CHSY3: variants seen among roughly 807,000 people sequenced by gnomAD.
The protein encoded by CHSY3 is N-acetylgalactosaminyl-proteoglycan 3-beta-glucuronosyltransferase 3.
Under a neutral mutation model 67.2 loss-of-function variants are expected in CHSY3, and 35 were observed. The ratio of observed to expected loss-of-function variants is 0.52; its 90% CI spans 0.40 to 0.69. The LOEUF is 0.69. Among genes scored for constraint, CHSY3 ranks in the 30% least tolerant of loss-of-function variants. The pLI is 0.00. For missense variants in CHSY3, 1,069 were observed against 1,138.5 expected, an observed-to-expected ratio of 0.94 and a Z score of 0.88; for synonymous variants, 474 against 434.7, an observed-to-expected ratio of 1.09 and a Z score of -1.12.
rs1770366945 is a variant in CHSY3 at position 130,184,894 on chromosome 5, G to A, written c.1752G>A (p.Val584=). ...ETEELDVNSL[V]ESINSETQSF... ...AAGAGCTAGATGTCAACAGTCTTGT[G>A]GAGAGTATTAACAGTGAAACTCAGT... The change falls in exon 3 of 3, where the codon GTG becomes GTA. Residue 584 remains valine, a synonymous_variant. Transcript: ENST00000305031. The A allele has an allele frequency of 6.4e-7, 1 of 1,553,370 alleles. No homozygotes were observed. Among genetic ancestry groups the A allele is most frequent in the Non-Finnish European group, 8.9e-7 (1 of 1,124,754 alleles).
rs1212958479 is a variant in CHSY3 at position 130,143,737 on chromosome 5, T to C, written c.1087-40492T>C. 6.5e-3 allele frequency among the ~76,000 whole-genome samples: 698 copies of C among 106,574 alleles called. 26 individuals carry two copies. The highest frequency in any genetic ancestry group is 0.059 in the South Asian group (150 of 2,562). The allele number at this position is 106,574 out of a possible 152,430, so 69.9% of individuals were successfully genotyped here. A position where few individuals can be genotyped will look rare whatever the true frequency, so the allele number is the denominator to read the frequency against. ...ATATATATATGTGTGTGTGTGTGTA[T>C]ATATATATATATATATATATGTGTG... On this transcript the variant is annotated intron_variant, in intron 2 of 2. Coordinates refer to ENST00000305031, the MANE Select transcript of CHSY3 (RefSeq NM_175856.5).
intron 2 of CHSY3, among the ~76,000 whole-genome samples, chr5:130,036,135 C>T (rs1178314641): frequency 6.6e-6 from 1 of 151,900 alleles, no homozygotes; most frequent in African/African-American, 2.4e-5. Flanking sequence ...TGTAACATGA[C>T]AGTAATTCTT....
intron 2 of CHSY3, among the ~76,000 whole-genome samples, chr5:129,953,140 C>G (rs1274559149): frequency 6.6e-6 from 1 of 152,088 alleles, no homozygotes; most frequent in East Asian, 1.9e-4. Context: ...ATCCCCCTAC[C>G]CCCAACAGGT....
At chr5:130,118,499 G>GTA (rs1191829737) in intron 2 of CHSY3, among the ~76,000 whole-genome samples, 4 of 148,838 alleles carry the variant, frequency 2.7e-5, no homozygotes, top group African/African-American at 1.0e-4. Context: ...ATGTGTGTGT[G>GTA]TGTATATATA....
intron 2 of CHSY3, among the ~76,000 whole-genome samples, chr5:130,152,631 A>G (rs1769262993): frequency 6.6e-6 from 1 of 152,222 alleles, no homozygotes; most frequent in East Asian, 1.9e-4. Flanking sequence ...TGGAATACCT[A>G]TAATTAAAAC....
chr5:130,059,408 G>T (rs758198261), intron 2 of CHSY3, among the ~76,000 whole-genome samples: 4 of 147,348 alleles, frequency 2.7e-5, no homozygotes, highest in Non-Finnish European at 1.5e-5. Flanking sequence ...TCTCTCTCTC[G>T]CTCTTCCTCT....
Position 129,947,217 on chromosome 5 carries a change from C to A in CHSY3, c.1086+38857C>A, listed in dbSNP as rs527316982. Among the ~76,000 whole-genome samples the A allele has an allele frequency of 2.6e-5, 4 of 152,234 alleles. No homozygotes were observed. The South Asian group carries it at 8.3e-4, about 32-fold the overall frequency. ...AAAGCCCATTATAAAGCCATCAGATCTCATAAGAACTCACTATCATGAGAA... is the reference window on the plus strand; with the variant it reads ...AAAGCCCATTATAAAGCCATCAGATATCATAAGAACTCACTATCATGAGAA... On this transcript the variant is annotated intron_variant, in intron 2 of 2. Transcript: ENST00000305031.
chr5:130,063,895 C>T (rs1172863764), intron 2 of CHSY3, among the ~76,000 whole-genome samples: 1 of 152,094 alleles, frequency 6.6e-6, no homozygotes, highest in Non-Finnish European at 1.5e-5. Flanking sequence ...TAGAAGGCCC[C>T]ATTTCTTAAT....
intron 2 of CHSY3, among the ~76,000 whole-genome samples, chr5:130,160,897 TTTTTTTTTTTTA>T (rs1287952883): frequency 1.7e-3 from 240 of 139,740 alleles, no homozygotes; most frequent in African/African-American, 6.6e-3. Flanking sequence ...ATTTATTTAT[TTTTTTTTTTTTA>T]TTTTTTTTTT....
chr5:129,936,358 A>G (rs1036315381), intron 2 of CHSY3, among the ~76,000 whole-genome samples: 3 of 152,130 alleles, frequency 2.0e-5, no homozygotes, highest in Non-Finnish European at 4.4e-5. Context: ...GAATCCTCAC[A>G]TAGCCTAAGA....
At chr5:130,044,410 T>G (rs1765087020) in intron 2 of CHSY3, among the ~76,000 whole-genome samples, 1 of 151,990 alleles carries the variant, frequency 6.6e-6, no homozygotes. Context: ...TTTTCAGAAG[T>G]GTGGCAGATA....
intron 2 of CHSY3, among the ~76,000 whole-genome samples, chr5:130,125,536 A>G (rs1768253004): frequency 6.6e-6 from 1 of 152,200 alleles, no homozygotes; most frequent in Non-Finnish European, 1.5e-5. Context: ...GAACAAGAGT[A>G]AGGGTTGGAA....
intron 2 of CHSY3, among the ~76,000 whole-genome samples, chr5:130,151,199 C>T (rs1214095032): frequency 1.4e-4 from 22 of 152,110 alleles, no homozygotes; most frequent in Admixed American, 1.4e-3. Context: ...TACTGCAGCC[C>T]CTTACAGGTA....
At chr5:130,149,792 G>A (rs1769180611) in intron 2 of CHSY3, among the ~76,000 whole-genome samples, 1 of 144,204 alleles carries the variant, frequency 6.9e-6, no homozygotes. Flanking sequence ...CTGTGCATTT[G>A]TTGGTTAAAA....
In CHSY3 at chr5:130,167,423, G is replaced by T. The variant is rs936163390; in HGVS notation, c.1087-16806G>T. Among the ~76,000 whole-genome samples the T allele has an allele frequency of 2.0e-5, 3 of 152,030 alleles. No individual in the cohort carries two copies. In the South Asian group the frequency reaches 6.2e-4, roughly 32 times the overall value. On this transcript the variant is annotated intron_variant, in intron 2 of 2. Coordinates refer to ENST00000305031, the MANE Select transcript of CHSY3 (RefSeq NM_175856.5). Reference sequence around the variant, plus strand: ...CATTTCTAGATTGTAAAACTGGCAGGCAAGAAGCTGGAAGATTTACATCTC... The same window carrying T: ...CATTTCTAGATTGTAAAACTGGCAGTCAAGAAGCTGGAAGATTTACATCTC...
intron 2 of CHSY3, among the ~76,000 whole-genome samples, chr5:129,921,175 T>A (rs1446731605): frequency 3.3e-5 from 5 of 152,178 alleles, no homozygotes; most frequent in African/African-American, 1.2e-4. Context: ...AGACATTATA[T>A]GGCTTCTCTT....
At chr5:130,045,114 C>T (rs1359875566) in intron 2 of CHSY3, among the ~76,000 whole-genome samples, 1 of 152,080 alleles carries the variant, frequency 6.6e-6, no homozygotes, top group African/African-American at 2.4e-5. Flanking sequence ...CCTCAGCCTC[C>T]CAAGTAGCTG....
At chr5:129,954,498 G>GT (rs1451669000) in intron 2 of CHSY3, among the ~76,000 whole-genome samples, 1 of 151,340 alleles carries the variant, frequency 6.6e-6, no homozygotes, top group Non-Finnish European at 1.5e-5. Context: ...ATTTAAAGTA[G>GT]TTTTTTCTAA....
chr5:130,180,148 T>G (rs1262315725), intron 2 of CHSY3, among the ~76,000 whole-genome samples: 2 of 152,168 alleles, frequency 1.3e-5, no homozygotes, highest in African/African-American at 4.8e-5. Context: ...CTTGAACCCT[T>G]TGGGCACTGA....
Sources: gnomAD v4.1 joint callset for allele counts (sites outside exome capture counted in the v4.1 genomes callset) on GRCh38, gnomAD v4.1.1 for gene constraint, MANE v1.5 for transcripts, NCBI Gene and HGNC (gene_info 2026-07-23, HGNC 2026-07-21) for gene names.